Variants in NKAIN3 observed in about 807,000 individuals in gnomAD.
NKAIN3 encodes the protein sodium/potassium transporting ATPase interacting 3, also known as sodium/potassium-transporting ATPase subunit beta-1-interacting protein 3.
Under a neutral mutation model 30.2 loss-of-function variants are expected in NKAIN3, and 25 were observed. The observed-to-expected ratio is 0.83, with a 90% CI of 0.60 to 1.16. The LOEUF (loss-of-function observed/expected upper bound fraction) is 1.16. Among genes scored for constraint, NKAIN3 ranks in the 50% most tolerant of loss-of-function variants. The probability of loss-of-function intolerance (pLI) is 0.00; values close to 1 mark genes in which losing one functional copy is unlikely to be tolerated. For missense variants in NKAIN3, 225 were observed against 254.1 expected (o/e 0.89, Z 0.78); for synonymous variants, 91 against 89.6 (o/e 1.02, Z -0.09).
chr8:62,402,767 C>T (rs532509430), intron 1 of NKAIN3, among the ~76,000 whole-genome samples: 7 of 152,188 alleles, frequency 4.6e-5, no homozygotes, highest in Middle Eastern at 3.4e-3. Context: ...CTTATAGCCG[C>T]GTGGGAACAG....
chr8:62,395,824 G>T (rs952617340), intron 1 of NKAIN3, among the ~76,000 whole-genome samples: 11 of 152,104 alleles, frequency 7.2e-5, no homozygotes, highest in Non-Finnish European at 1.5e-4. Flanking sequence ...TTGAGCAATT[G>T]ATCAATAGAG....
chr8:62,280,676 T>C (rs1469229562), intron 1 of NKAIN3, among the ~76,000 whole-genome samples: 1 of 152,214 alleles, frequency 6.6e-6, no homozygotes, highest in East Asian at 1.9e-4. Flanking sequence ...CTGGATTACA[T>C]TTATTGATTT....
intron 1 of NKAIN3, among the ~76,000 whole-genome samples, chr8:62,424,374 G>C (rs1052544457): frequency 1.3e-5 from 2 of 151,624 alleles, no homozygotes; most frequent in African/African-American, 4.8e-5. Context: ...ACACAATGGA[G>C]GAAAATATAT....
At chr8:62,773,145 G>A (rs758916734) in intron 4 of NKAIN3, among the ~76,000 whole-genome samples, 2 of 152,020 alleles carry the variant, frequency 1.3e-5, no homozygotes, top group African/African-American at 2.4e-5. Flanking sequence ...TAATGTCTTG[G>A]AGAGTTTCCC....
At chr8:62,363,371 C>G (rs1816624037) in intron 1 of NKAIN3, among the ~76,000 whole-genome samples, 1 of 152,116 alleles carries the variant, frequency 6.6e-6, no homozygotes, top group African/African-American at 2.4e-5. Flanking sequence ...ATTCTCAGCT[C>G]AGATTTCATC....
intron 1 of NKAIN3, among the ~76,000 whole-genome samples, chr8:62,344,388 CA>C (rs1389593233): frequency 6.6e-6 from 1 of 151,972 alleles, no homozygotes; most frequent in Non-Finnish European, 1.5e-5. Flanking sequence ...TTATTGTTAT[CA>C]CAACAATATT....
rs144061474 is a variant in NKAIN3, at chr8:62,954,697, T to C, written c.603+725T>C. ...TCCAAGTAGCACATATAAAACTGTA[T>C]AAATTAATAATAGCTATCATACACT... is the stretch of plus-strand genomic sequence containing the variant. On this transcript the variant is annotated intron_variant, in intron 6 of 6. Coordinates refer to ENST00000623646, the MANE Select transcript of NKAIN3 (RefSeq NM_001304533.3). 1.3e-4 allele frequency among the ~76,000 whole-genome samples: 20 copies of C among 152,330 alleles called. 1 individual carries two copies. Among genetic ancestry groups the C allele is most frequent in the African/African-American group, 4.8e-4 (20 of 41,578 alleles).
chr8:62,390,584 G>A (rs1014345227), intron 1 of NKAIN3, among the ~76,000 whole-genome samples: 2 of 152,150 alleles, frequency 1.3e-5, no homozygotes, highest in African/African-American at 4.8e-5. Context: ...TGGGTTGAAT[G>A]GTGTTTCTGC....
intron 5 of NKAIN3, among the ~76,000 whole-genome samples, chr8:62,995,979 T>G (rs1419812961): frequency 6.6e-6 from 1 of 152,192 alleles, no homozygotes; most frequent in Non-Finnish European, 1.5e-5. Flanking sequence ...CAGGTGATTC[T>G]TATGCACTCT....
intron 4 of NKAIN3, among the ~76,000 whole-genome samples, chr8:62,869,086 A>T (rs1820510297): frequency 6.6e-6 from 1 of 152,190 alleles, no homozygotes; most frequent in East Asian, 1.9e-4. Flanking sequence ...CTCTGAAATG[A>T]CCTCGGCAAA....
intron 1 of NKAIN3, among the ~76,000 whole-genome samples, chr8:62,395,497 C>T (rs1817727934): frequency 6.6e-6 from 1 of 152,158 alleles, no homozygotes; most frequent in Admixed American, 6.5e-5. Flanking sequence ...AATTGAGAAT[C>T]GTCCCATTGT....
chr8:62,559,212 A>G (rs538473234), intron 1 of NKAIN3, among the ~76,000 whole-genome samples: 2 of 152,064 alleles, frequency 1.3e-5, no homozygotes, highest in Admixed American at 6.5e-5. Flanking sequence ...GTGCTGTAGT[A>G]TACTTTTTTT....
chr8:62,864,310 C>A, intron 4 of NKAIN3: 1 of 1,444,592 alleles, frequency 6.9e-7, no homozygotes, highest in South Asian at 1.2e-5. Context: ...GAAAGAAGAC[C>A]CTGAGAAAGA....
intron 5 of NKAIN3, among the ~76,000 whole-genome samples, chr8:62,934,004 A>G (rs1474452827): frequency 6.6e-6 from 1 of 152,232 alleles, no homozygotes. Flanking sequence ...GATTGAGGGC[A>G]TATCTACTAT....
chr8:62,320,530 G>C (rs1173983646), intron 1 of NKAIN3, among the ~76,000 whole-genome samples: 2 of 151,958 alleles, frequency 1.3e-5, no homozygotes, highest in Non-Finnish European at 2.9e-5. Context: ...CAGGCCTGGT[G>C]GTGACAAAAT....
chr8:62,809,583 A>C (rs1704262577), intron 4 of NKAIN3, among the ~76,000 whole-genome samples: 1 of 152,172 alleles, frequency 6.6e-6, no homozygotes, highest in South Asian at 2.1e-4. Flanking sequence ...TCACAGTTTC[A>C]TAGGAAAACA....
chr8:62,921,999 A>G (rs1257966089), intron 5 of NKAIN3, among the ~76,000 whole-genome samples: 1 of 152,162 alleles, frequency 6.6e-6, no homozygotes, highest in Non-Finnish European at 1.5e-5. Context: ...CAACTGGCAC[A>G]TTTATTTGGG....
chr8:62,401,013 T>C (rs868266299), intron 1 of NKAIN3, among the ~76,000 whole-genome samples: 1 of 143,744 alleles, frequency 7.0e-6, no homozygotes, highest in Non-Finnish European at 1.5e-5. Context: ...CTTTCTACCT[T>C]TCTCTCACTC....
At chr8:62,775,625 A>T (rs541661092) in intron 4 of NKAIN3, among the ~76,000 whole-genome samples, 4 of 152,056 alleles carry the variant, frequency 2.6e-5, no homozygotes, top group Admixed American at 1.3e-4. Flanking sequence ...TTGATTCAAG[A>T]ATTTAAATTT....
Sources: allele counts gnomAD v4.1 joint callset (sites outside exome capture counted in the v4.1 genomes callset), GRCh38; gene constraint gnomAD v4.1.1; transcripts MANE v1.5; gene names NCBI Gene and HGNC (gene_info 2026-07-23, HGNC 2026-07-21).